Variants in UNC13C observed in about 807,000 individuals in gnomAD.
UNC13C encodes unc-13 homolog C.
A neutral mutation model predicts 245.4 loss-of-function variants in UNC13C; 174 were observed. The ratio of observed to expected loss-of-function variants is 0.71; its 90% CI spans 0.63 to 0.80. The LOEUF (loss-of-function observed/expected upper bound fraction) is 0.80. Ranked by LOEUF, UNC13C falls within the 30% of genes least tolerant of loss-of-function variation. UNC13C has a pLI of 0.00. For missense variants in UNC13C, 2,829 were observed against 2,602.9 expected (o/e 1.09, Z -1.89); for synonymous variants, 992 against 895.1 (o/e 1.11, Z -1.93).
chr15:54,058,036 A>T (rs547356527), intron 2 of UNC13C, among the ~76,000 whole-genome samples: 1 of 152,328 alleles, frequency 6.6e-6, no homozygotes, highest in Admixed American at 6.5e-5. Flanking sequence ...ACACCCTAAC[A>T]TCAGAATTAA....
chr15:54,052,106 G>T, intron 2 of UNC13C, among the ~76,000 whole-genome samples: 1 of 93,158 alleles, frequency 1.1e-5, no homozygotes, highest in African/African-American at 3.4e-5. Context: ...ATTTTTTATG[G>T]CTACATAGTA....
At chr15:54,563,432 G>A (rs1409535790) in intron 29 of UNC13C, among the ~76,000 whole-genome samples, 1 of 151,926 alleles carries the variant, frequency 6.6e-6, no homozygotes, top group Non-Finnish European at 1.5e-5. Context: ...GAAATGACCT[G>A]TCCTAACTGT....
At chr15:54,361,407 A>G (rs1567214973) in intron 17 of UNC13C, among the ~76,000 whole-genome samples, 1 of 152,106 alleles carries the variant, frequency 6.6e-6, no homozygotes, top group South Asian at 2.1e-4. Context: ...AAATTTCATC[A>G]GTTTTCTATC....
At chr15:54,321,200 C>G (rs1276640527) in intron 13 of UNC13C, 1 of 502,372 alleles carries the variant, frequency 2.0e-6, no homozygotes, top group African/African-American at 2.0e-5. Flanking sequence ...TGAATGACAG[C>G]CTTATTTATG....
intron 17 of UNC13C, among the ~76,000 whole-genome samples, chr15:54,339,789 C>A (rs968450285): frequency 6.6e-6 from 1 of 152,032 alleles, no homozygotes; most frequent in Non-Finnish European, 1.5e-5. Context: ...GACTTCTTTT[C>A]CTCTGGGTAG....
intron 17 of UNC13C, among the ~76,000 whole-genome samples, chr15:54,364,870 G>T (rs1327476815): frequency 6.6e-6 from 1 of 152,186 alleles, no homozygotes; most frequent in African/African-American, 2.4e-5. Flanking sequence ...ATTATAGTAT[G>T]CTAGAGCTAC....
chr15:54,283,183 G>A (rs536889567), intron 10 of UNC13C, among the ~76,000 whole-genome samples: 1 of 152,104 alleles, frequency 6.6e-6, no homozygotes, highest in Non-Finnish European at 1.5e-5. Flanking sequence ...TTGAGGAGGG[G>A]TTTCACCTGC....
chr15:53,878,755 C>A, the UNC13C span, among the ~76,000 whole-genome samples: 1 of 152,146 alleles, frequency 6.6e-6, no homozygotes, highest in Non-Finnish European at 1.5e-5. Context: ...CTTCTGAAAT[C>A]ACTAAAGGAA....
chr15:54,260,634 T>G (rs1485747972), intron 8 of UNC13C, among the ~76,000 whole-genome samples: 2 of 148,306 alleles, frequency 1.3e-5, no homozygotes, highest in Non-Finnish European at 1.5e-5. Flanking sequence ...TACACACACC[T>G]GTAGTTTTCA....
intron 19 of UNC13C, among the ~76,000 whole-genome samples, chr15:54,455,239 G>GT (rs1891447410): frequency 3.5e-5 from 2 of 57,670 alleles, no homozygotes; most frequent in African/African-American, 5.8e-5. Context: ...ATATATATAT[G>GT]TTTTTTAATC....
At chr15:54,370,741 G>A (rs1238435052) in intron 17 of UNC13C, among the ~76,000 whole-genome samples, 2 of 151,884 alleles carry the variant, frequency 1.3e-5, no homozygotes, top group Non-Finnish European at 2.9e-5. Flanking sequence ...CCTTCACTAA[G>A]GGTCTCTTTC....
intron 18 of UNC13C, among the ~76,000 whole-genome samples, chr15:54,395,506 G>C (rs1002134702): frequency 6.6e-6 from 1 of 151,824 alleles, no homozygotes; most frequent in African/African-American, 2.4e-5. Flanking sequence ...ATTAATAAAC[G>C]ATCCCTGTTA....
chr15:54,411,810 A>C (rs2040421907), intron 18 of UNC13C, among the ~76,000 whole-genome samples: 1 of 152,172 alleles, frequency 6.6e-6, no homozygotes, highest in Non-Finnish European at 1.5e-5. Flanking sequence ...TTTTAGAATC[A>C]GTTTGTTAAT....
chr15:54,097,146 C>T (rs1042150934), intron 2 of UNC13C, among the ~76,000 whole-genome samples: 1 of 152,150 alleles, frequency 6.6e-6, no homozygotes, highest in Admixed American at 6.5e-5. Context: ...TATAGCTCTA[C>T]TCTAACATTG....
chr15:54,530,740 T>A (rs529931623), intron 25 of UNC13C, among the ~76,000 whole-genome samples: 2 of 152,194 alleles, frequency 1.3e-5, no homozygotes, highest in Admixed American at 1.3e-4. Flanking sequence ...GGCCATGAGA[T>A]AAGAGTGTCC....
rs1212490309 is a variant in UNC13C, at chr15:54,397,364, T to C, written c.4847+4183T>C. 3.3e-5 allele frequency among the ~76,000 whole-genome samples: 5 copies of C among 151,718 alleles called. No homozygotes were observed. The East Asian group carries it at 9.6e-4, about 29-fold the overall frequency. ...GTAAGAGGTTAATTCTGAAGTTCTT[T>C]GTAATCTGTTCCACTGATCTATATA... On this transcript the variant is annotated intron_variant, in intron 18 of 32. Transcript: ENST00000260323.
chr15:53,920,213 A>C, the UNC13C span, among the ~76,000 whole-genome samples: 2 of 152,276 alleles, frequency 1.3e-5, no homozygotes, highest in East Asian at 3.9e-4. Context: ...ATAACGCTAC[A>C]GCATATAACT....
chr15:54,134,425 T>G (rs1350923433), intron 2 of UNC13C, among the ~76,000 whole-genome samples: 2 of 127,216 alleles, frequency 1.6e-5, no homozygotes, highest in Non-Finnish European at 1.9e-5. Context: ...ATCATCTGTG[T>G]GTGTGTGTGT....
the UNC13C span, among the ~76,000 whole-genome samples, chr15:53,859,976 G>A: frequency 1.3e-5 from 2 of 152,132 alleles, no homozygotes; most frequent in Non-Finnish European, 2.9e-5. Context: ...TCCCACACTA[G>A]CTGTGATTCC....
Sources: allele counts gnomAD v4.1 joint callset (sites outside exome capture counted in the v4.1 genomes callset), GRCh38; gene constraint gnomAD v4.1.1; transcripts MANE v1.5; gene names NCBI Gene and HGNC (gene_info 2026-07-23, HGNC 2026-07-21).